Variants in MYLK observed in about 807,000 individuals in gnomAD.
The protein encoded by MYLK is myosin light chain kinase.
MYLK carries 106 observed loss-of-function variants against 203.4 expected under a neutral mutation model. That is an observed-to-expected ratio of 0.52 (90% CI 0.45 to 0.61). The LOEUF (loss-of-function observed/expected upper bound fraction) is 0.61, where lower values mean the gene tolerates loss of function less well. Ranked by LOEUF, MYLK falls within the 20% of genes least tolerant of loss-of-function variation. The probability of loss-of-function intolerance (pLI) is 0.00; values close to 1 mark genes in which losing one functional copy is unlikely to be tolerated. For missense variants in MYLK, 2,072 were observed against 2,442.3 expected, an observed-to-expected ratio of 0.85 and a Z score of 3.20; for synonymous variants, 867 against 959.5, an observed-to-expected ratio of 0.90 and a Z score of 1.78.
chr3:123,795,101 A>T (rs1179354154), intron 3 of MYLK, among the ~76,000 whole-genome samples: 2 of 152,256 alleles, frequency 1.3e-5, no homozygotes, highest in African/African-American at 4.8e-5. Context: ...TCTATTATAC[A>T]GAATGGTGGT....
intron 27 of MYLK, among the ~76,000 whole-genome samples, chr3:123,645,831 T>C (rs899831843): frequency 7.2e-5 from 11 of 152,150 alleles, no homozygotes; most frequent in Non-Finnish European, 1.6e-4. Flanking sequence ...TGGGACTAAC[T>C]CCCATAGCAA....
chr3:123,769,293 T>C (rs543237533), intron 4 of MYLK, among the ~76,000 whole-genome samples: 1 of 152,346 alleles, frequency 6.6e-6, no homozygotes, highest in African/African-American at 2.4e-5. Context: ...CATATTTGGA[T>C]AACTTTACTG....
chr3:123,776,714 A>G (rs1371190018), intron 4 of MYLK, among the ~76,000 whole-genome samples: 1 of 152,260 alleles, frequency 6.6e-6, no homozygotes, highest in Non-Finnish European at 1.5e-5. Flanking sequence ...TATATTACAT[A>G]TGCAGCAAAG....
intron 4 of MYLK, among the ~76,000 whole-genome samples, chr3:123,753,966 T>C (rs1005777937): frequency 6.6e-6 from 1 of 152,214 alleles, no homozygotes; most frequent in African/African-American, 2.4e-5. Flanking sequence ...CACTGATCTG[T>C]AGCAATAATC....
rs1203451404 is a variant in MYLK at position 123,725,944 on chromosome 3, C to T, written c.1651G>A (p.Gly551Arg). ...GAGAGCTGGGGCAGGGGGAACTCAC[C>T]ATTCAGCAGCCAAGTGATCCGGGGC... ...PVPRITWLLN[G>R]QPIQYARSTC... is the part of the protein sequence containing the mutation. Residue 551 changes from glycine (G) to arginine (R), a missense_variant and splice_region_variant, in exon 12 of 34, where the codon GGG (glycine) becomes AGG (arginine). This residue lies in a region of MYLK where 865 missense variants were observed against 1,016.0 expected (regional missense o/e 0.85). Transcript: ENST00000360304. The T allele has an allele frequency of 6.8e-6, 11 of 1,613,638 alleles. No individual in the cohort carries two copies. Among genetic ancestry groups the T allele is most frequent in the Non-Finnish European group, 8.5e-6 (10 of 1,179,756 alleles).
At chr3:123,798,801 G>A (rs895119697) in intron 3 of MYLK, among the ~76,000 whole-genome samples, 1 of 151,996 alleles carries the variant, frequency 6.6e-6, no homozygotes, top group Non-Finnish European at 1.5e-5. Flanking sequence ...TCAGCCCATC[G>A]CCCCACCCAC....
intron 3 of MYLK, among the ~76,000 whole-genome samples, chr3:123,795,382 C>T (rs1456129): frequency 0.75 from 114,833 of 152,130 alleles, 47,517 homozygotes; most frequent in East Asian, 0.93. Flanking sequence ...AATCTATGCC[C>T]GAATTCCTAA....
At chr3:123,811,360 C>A (rs929927658) in intron 3 of MYLK, among the ~76,000 whole-genome samples, 2 of 152,308 alleles carry the variant, frequency 1.3e-5, no homozygotes. Flanking sequence ...TCATACCTGG[C>A]TCAGGGATCA....
chr3:123,824,834 T>C (rs1229468311), intron 3 of MYLK, among the ~76,000 whole-genome samples: 1 of 152,156 alleles, frequency 6.6e-6, no homozygotes, highest in Non-Finnish European at 1.5e-5. Flanking sequence ...AAAAGCAGAA[T>C]GATCATCTTC....
At chr3:123,641,717 C>G (rs1032281087) in intron 27 of MYLK, among the ~76,000 whole-genome samples, 1 of 140,636 alleles carries the variant, frequency 7.1e-6, no homozygotes, top group Admixed American at 6.9e-5. Context: ...TTCCTTCCGT[C>G]CTTCCTTCTG....
chr3:123,657,147 T>C lies in MYLK; in HGVS notation c.4267A>G (p.Thr1423Ala), dbSNP rs140956155. ...CTACCTTCAGGTTTCTCTCCTACCGTTGTGAGTTCAGACTCCTGGCTTGGC... is the reference window on the plus strand; with the variant it reads ...CTACCTTCAGGTTTCTCTCCTACCGCTGTGAGTTCAGACTCCTGGCTTGGC... ...SEPSQESELT[T>A]VGEKPEEPKD... Residue 1423 changes from threonine to alanine, a missense_variant, in exon 24 of 34, where the codon ACG becomes GCG. Coordinates refer to ENST00000360304, the MANE Select transcript of MYLK (RefSeq NM_053025.4). 3 of 1,614,196 alleles carry C rather than the reference T, an allele frequency of 1.9e-6. No individual in the cohort carries two copies. Among genetic ancestry groups the C allele is most frequent in the African/African-American group, 1.3e-5 (1 of 75,050 alleles).
intron 30 of MYLK, among the ~76,000 whole-genome samples, chr3:123,627,172 C>G (rs1486309925): frequency 6.6e-6 from 1 of 152,214 alleles, no homozygotes; most frequent in Non-Finnish European, 1.5e-5. Flanking sequence ...AAAGCCCAAG[C>G]ACCAAGGAAG....
intron 2 of MYLK, among the ~76,000 whole-genome samples, chr3:123,863,914 A>C (rs550694279): frequency 9.2e-5 from 14 of 152,244 alleles, no homozygotes; most frequent in Non-Finnish European, 1.6e-4. Context: ...TATTCATAGC[A>C]GCTTTATTCA....
chr3:123,638,322 C>G, intron 28 of MYLK, 128 bp from the exon 29 acceptor site: 3 of 1,362,100 alleles, frequency 2.2e-6, no homozygotes, highest in Non-Finnish European at 3.1e-6. Context: ...GCACAGAGAA[C>G]AGGCACAGAG....
intron 11 of MYLK, among the ~76,000 whole-genome samples, chr3:123,730,129 G>A (rs1270612199): frequency 6.6e-6 from 1 of 151,926 alleles, no homozygotes; most frequent in Non-Finnish European, 1.5e-5. Flanking sequence ...CTCAGGAGGC[G>A]AGGCAGGAGG....
intron 20 of MYLK, 21 bp from the exon 21 acceptor site, chr3:123,667,208 A>G (rs1428463284): frequency 8.1e-6 from 13 of 1,613,524 alleles, no homozygotes; most frequent in Non-Finnish European, 1.1e-5. Context: ...GAAGTTCACA[A>G]GTTATTTCCT....
intron 1 of MYLK, among the ~76,000 whole-genome samples, chr3:123,877,628 G>A (rs1029280745): frequency 6.6e-6 from 1 of 152,188 alleles, no homozygotes; most frequent in African/African-American, 2.4e-5. Flanking sequence ...TATACCATGA[G>A]TGACTATTGG....
At chr3:123,746,067 G>C (rs960322984) in intron 5 of MYLK, among the ~76,000 whole-genome samples, 1 of 152,094 alleles carries the variant, frequency 6.6e-6, no homozygotes, top group African/African-American at 2.4e-5. Context: ...ATGTTGTCAG[G>C]CTGGTCTTGA....
At chr3:123,730,093 G>A (rs2062424682) in intron 11 of MYLK, among the ~76,000 whole-genome samples, 1 of 152,050 alleles carries the variant, frequency 6.6e-6, no homozygotes, top group Non-Finnish European at 1.5e-5. Context: ...GCCGAGTGTG[G>A]TGGCAAGCAC....
Sources: gnomAD v4.1 joint callset for allele counts (sites outside exome capture counted in the v4.1 genomes callset) on GRCh38, gnomAD v4.1.1 for gene constraint, gnomAD v4.1.1 regional missense constraint, MANE v1.5 for transcripts, NCBI Gene and HGNC (gene_info 2026-07-23, HGNC 2026-07-21) for gene names.